The following AGMO variants were observed in gnomAD, a reference collection of about 807,000 sequenced individuals.
The protein encoded by AGMO is alkylglycerol monooxygenase.
AGMO carries 75 observed loss-of-function variants against 60.2 expected under a neutral mutation model. The ratio of observed to expected loss-of-function variants is 1.25; its 90% confidence interval spans 1.03 to 1.51. The LOEUF is 1.51. AGMO is among the 40% of genes most tolerant of loss of function. The pLI is 0.00. For synonymous variants in AGMO, 261 were observed against 177.1 expected (o/e 1.47, Z -3.76); for missense variants, 763 against 525.5 (o/e 1.45, Z -4.42).
chr7:15,125,576 TC>T, the AGMO span, among the ~76,000 whole-genome samples: 9 of 152,104 alleles, frequency 5.9e-5, no homozygotes, highest in African/African-American at 9.7e-5. Flanking sequence ...TTTTAAACAC[TC>T]TTGCAATAGT....
At chr7:15,247,449 C>CAGAGAGAGAG (rs748208299) in intron 12 of AGMO, among the ~76,000 whole-genome samples, 5 of 116,422 alleles carry the variant, frequency 4.3e-5, no homozygotes, top group Non-Finnish European at 7.3e-5. Context: ...CACACACACA[C>CAGAGAGAGAG]ACACACACAC....
chr7:15,218,321 G>GTGTGTT, intron 12 of AGMO, among the ~76,000 whole-genome samples: 1 of 113,314 alleles, frequency 8.8e-6, no homozygotes. Flanking sequence ...TGACTATGGT[G>GTGTGTT]TGTGTATGTG....
intron 3 of AGMO, among the ~76,000 whole-genome samples, chr7:15,470,981 G>T (rs1782438264): frequency 6.6e-6 from 1 of 151,880 alleles, no homozygotes; most frequent in Non-Finnish European, 1.5e-5. Flanking sequence ...TTCTGGGCCA[G>T]CCATATGCCT....
the AGMO span, among the ~76,000 whole-genome samples, chr7:15,137,439 G>A: frequency 6.6e-6 from 1 of 152,146 alleles, no homozygotes; most frequent in Admixed American, 6.5e-5. Flanking sequence ...TAACAGTTTA[G>A]TGTTGTACTT....
chr7:15,327,662 G>A (rs911999128), intron 12 of AGMO, among the ~76,000 whole-genome samples: 3 of 151,330 alleles, frequency 2.0e-5, no homozygotes, highest in African/African-American at 7.3e-5. Context: ...GGTTATTTAC[G>A]TTGAGGGTAT....
Position 15,446,481 on chromosome 7 carries a change from T to C in AGMO, c.410-15373A>G, listed in dbSNP as rs578156228. ...ATGTCACATTTGACGCTGCACACCA[T>C]GTGAAGAAGATTAACTGTACCCAAA... On this transcript the variant is annotated intron_variant, in intron 3 of 12. Coordinates refer to ENST00000342526, the MANE Select transcript of AGMO (RefSeq NM_001004320.2). 2.6e-5 allele frequency among the ~76,000 whole-genome samples: 4 copies of C among 152,284 alleles called. No homozygotes were observed. In the South Asian group the frequency reaches 6.2e-4, roughly 24 times the overall value.
chr7:15,161,646 AT>A, the AGMO span, among the ~76,000 whole-genome samples: 1 of 144,158 alleles, frequency 6.9e-6, no homozygotes, highest in Admixed American at 7.0e-5. Flanking sequence ...ATATATATAT[AT>A]CATATATAAT....
intron 2 of AGMO, among the ~76,000 whole-genome samples, chr7:15,547,549 G>A (rs946400871): frequency 6.6e-6 from 1 of 152,132 alleles, no homozygotes; most frequent in African/African-American, 2.4e-5. Flanking sequence ...TCAAAGAAAG[G>A]GGTGACAGAC....
intron 3 of AGMO, among the ~76,000 whole-genome samples, chr7:15,524,621 G>C (rs1784077034): frequency 6.6e-6 from 1 of 152,058 alleles, no homozygotes; most frequent in Non-Finnish European, 1.5e-5. Context: ...CTAGCACTTT[G>C]GGAGGCCAAG....
chr7:15,204,292 C>A (rs982761832), intron 12 of AGMO, among the ~76,000 whole-genome samples: 1 of 152,104 alleles, frequency 6.6e-6, no homozygotes, highest in Admixed American at 6.6e-5. Flanking sequence ...CCTTGTCCAA[C>A]TGTTCTCTTG....
chr7:15,193,236 G>A, the AGMO span, among the ~76,000 whole-genome samples: 2 of 88,418 alleles, frequency 2.3e-5, no homozygotes, highest in African/African-American at 1.6e-4. Flanking sequence ...TACAGCAAAT[G>A]TATGATATTT....
intron 12 of AGMO, among the ~76,000 whole-genome samples, chr7:15,288,498 A>T (rs1449818037): frequency 2.6e-5 from 4 of 152,094 alleles, no homozygotes; most frequent in Admixed American, 1.3e-4. Context: ...CTTAAGTAGG[A>T]AAGATGAAAG....
At chr7:15,274,278 TTGAGA>T (rs1332579211) in intron 12 of AGMO, among the ~76,000 whole-genome samples, 2 of 152,146 alleles carry the variant, frequency 1.3e-5, no homozygotes, top group Non-Finnish European at 2.9e-5. Flanking sequence ...ATAGCTCTTA[TTGAGA>T]TATGTCTCAT....
chr7:15,169,582 A>G, the AGMO span, among the ~76,000 whole-genome samples: 1 of 151,982 alleles, frequency 6.6e-6, no homozygotes, highest in Admixed American at 6.6e-5. Flanking sequence ...GATTACACGC[A>G]TCCACCACCA....
chr7:15,495,598 A>T (rs1583613542), intron 3 of AGMO, among the ~76,000 whole-genome samples: 1 of 152,260 alleles, frequency 6.6e-6, no homozygotes, highest in African/African-American at 2.4e-5. Flanking sequence ...TTTTCAGCAC[A>T]TTTACTGTCT....
chr7:15,392,459 G>C (rs1583499036), intron 6 of AGMO, among the ~76,000 whole-genome samples: 1 of 152,146 alleles, frequency 6.6e-6, no homozygotes, highest in South Asian at 2.1e-4. Flanking sequence ...GACTTATGGA[G>C]TGGTTATGTC....
At chr7:15,148,230 G>A in the AGMO span, among the ~76,000 whole-genome samples, 1 of 151,862 alleles carries the variant, frequency 6.6e-6, no homozygotes, top group Non-Finnish European at 1.5e-5. Context: ...AGATTTGTTA[G>A]TTAGTGGTAA....
At chr7:15,337,772 G>C (rs1004208466) in intron 12 of AGMO, among the ~76,000 whole-genome samples, 4 of 152,208 alleles carry the variant, frequency 2.6e-5, no homozygotes, top group African/African-American at 9.6e-5. Context: ...CGACTGCTGA[G>C]TCTCACCAGC....
At chr7:15,289,265 A>G (rs1583368183) in intron 12 of AGMO, among the ~76,000 whole-genome samples, 1 of 110,500 alleles carries the variant, frequency 9.0e-6, no homozygotes, top group East Asian at 2.5e-4. Flanking sequence ...CACGAAATAA[A>G]TTTATTTAGA....
Sources: allele counts gnomAD v4.1 joint callset (sites outside exome capture counted in the v4.1 genomes callset), GRCh38; gene constraint gnomAD v4.1.1; transcripts MANE v1.5; gene names NCBI Gene and HGNC (gene_info 2026-07-23, HGNC 2026-07-21).